Variants in CTNNA2 observed in about 807,000 individuals in gnomAD.
The protein encoded by CTNNA2 is catenin alpha-2.
Under a neutral mutation model 101.0 loss-of-function variants are expected in CTNNA2, and 42 were observed. The ratio of observed to expected loss-of-function variants is 0.42; its 90% CI spans 0.32 to 0.54. The LOEUF is 0.54. Among genes scored for constraint, CTNNA2 ranks in the 20% least tolerant of loss-of-function variants. The pLI is 0.14. For synonymous variants in CTNNA2, 450 were observed against 456.4 expected (o/e 0.99, Z 0.18); for missense variants, 871 against 1,223.1 (o/e 0.71, Z 4.29).
intron 9 of CTNNA2, among the ~76,000 whole-genome samples, chr2:80,504,110 A>G (rs990454657): frequency 2.0e-5 from 3 of 152,218 alleles, no homozygotes; most frequent in African/African-American, 7.2e-5. Context: ...CCAGGGCCTC[A>G]CCAGGGTTAA....
At chr2:79,510,627 C>T (rs1671514876), upstream of CTNNA2, among the ~76,000 whole-genome samples, 1 of 152,138 alleles carries the variant, frequency 6.6e-6, no homozygotes, top group Non-Finnish European at 1.5e-5. Flanking sequence ...AAACCCATTG[C>T]CTGAGTAATT....
chr2:80,297,660 C>T (rs1475475547), intron 7 of CTNNA2, among the ~76,000 whole-genome samples: 1 of 152,048 alleles, frequency 6.6e-6, no homozygotes, highest in Non-Finnish European at 1.5e-5. Context: ...GTAGAGCATA[C>T]TTTAATGGAA....
intron 9 of CTNNA2, among the ~76,000 whole-genome samples, chr2:80,490,495 C>G (rs1359517618): frequency 6.6e-6 from 1 of 152,048 alleles, no homozygotes; most frequent in African/African-American, 2.4e-5. Context: ...CAAAATACTA[C>G]TCTTTAGATT....
chr2:79,626,770 G>A (rs1238978138), intron 1 of CTNNA2, among the ~76,000 whole-genome samples: 1 of 151,848 alleles, frequency 6.6e-6, no homozygotes. Flanking sequence ...GTTTTAGGTA[G>A]CGAGACAACA....
intron 7 of CTNNA2, among the ~76,000 whole-genome samples, chr2:79,977,648 A>G (rs1489962727): frequency 6.6e-6 from 1 of 152,152 alleles, no homozygotes; most frequent in Non-Finnish European, 1.5e-5. Flanking sequence ...CAAACATACT[A>G]ACACTAATTG....
At chr2:80,365,826 AT>A (rs1449429902) in intron 7 of CTNNA2, among the ~76,000 whole-genome samples, 1 of 152,168 alleles carries the variant, frequency 6.6e-6, no homozygotes, top group Non-Finnish European at 1.5e-5. Context: ...TTATAAAACA[AT>A]TTCCCCCTAC....
At chr2:79,739,300 G>A (rs1671117664) in intron 2 of CTNNA2, among the ~76,000 whole-genome samples, 1 of 152,126 alleles carries the variant, frequency 6.6e-6, no homozygotes, top group Non-Finnish European at 1.5e-5. Flanking sequence ...CATATTCTCA[G>A]TGTTTGCTTA....
intron 1 of CTNNA2, among the ~76,000 whole-genome samples, chr2:79,601,099 A>T (rs1212471329): frequency 6.6e-6 from 1 of 152,178 alleles, no homozygotes; most frequent in African/African-American, 2.4e-5. Flanking sequence ...GGATAAAGAG[A>T]AAGAATAGTT....
chr2:80,045,846 T>C (rs1182777782), intron 7 of CTNNA2, among the ~76,000 whole-genome samples: 1 of 152,030 alleles, frequency 6.6e-6, no homozygotes, highest in African/African-American at 2.4e-5. Context: ...TGGGAAACAA[T>C]AGAATAGAAA....
intron 6 of CTNNA2, among the ~76,000 whole-genome samples, chr2:79,896,294 AAAG>A (rs893390283): frequency 2.8e-4 from 43 of 152,030 alleles, no homozygotes; most frequent in African/African-American, 9.6e-4. Flanking sequence ...CAAAAAAAAA[AAAG>A]GAGAACTAAC....
intron 7 of CTNNA2, among the ~76,000 whole-genome samples, chr2:80,387,547 G>T (rs1677131168): frequency 6.6e-6 from 1 of 152,080 alleles, no homozygotes; most frequent in Non-Finnish European, 1.5e-5. Flanking sequence ...TTATTAAAAA[G>T]AAATTGTTGA....
chr2:79,977,403 G>A (rs1275261775), intron 7 of CTNNA2, among the ~76,000 whole-genome samples: 1 of 151,996 alleles, frequency 6.6e-6, no homozygotes, highest in African/African-American at 2.4e-5. Flanking sequence ...TATGTGTAGA[G>A]GCCAAGGAAG....
intron 9 of CTNNA2, among the ~76,000 whole-genome samples, chr2:80,424,421 CT>C (rs1420176356): frequency 2.6e-5 from 4 of 152,160 alleles, no homozygotes; most frequent in African/African-American, 7.2e-5. Flanking sequence ...TATTGCTTGT[CT>C]GTTTTTATTA....
intron 7 of CTNNA2, among the ~76,000 whole-genome samples, chr2:80,007,004 A>T (rs1044061064): frequency 6.6e-6 from 1 of 152,162 alleles, no homozygotes; most frequent in East Asian, 1.9e-4. Context: ...TAATGTTTCA[A>T]TGTTACCCTT....
At chr2:79,720,029 T>C (rs572719695) in intron 2 of CTNNA2, among the ~76,000 whole-genome samples, 1 of 152,330 alleles carries the variant, frequency 6.6e-6, no homozygotes, top group African/African-American at 2.4e-5. Flanking sequence ...GTTTGTGATC[T>C]TACATTTCAA....
At chr2:80,360,138 G>C (rs977324736) in intron 7 of CTNNA2, among the ~76,000 whole-genome samples, 1 of 151,930 alleles carries the variant, frequency 6.6e-6, no homozygotes, top group Non-Finnish European at 1.5e-5. Flanking sequence ...TTATTGTTTT[G>C]AAGGGATTGG....
rs766763205 is a variant in CTNNA2, at chr2:80,092,210, A to T, written c.1056+182413A>T. 1.1e-3 allele frequency among the ~76,000 whole-genome samples: 161 copies of T among 152,220 alleles called. 2 individuals carry two copies. The highest frequency in any genetic ancestry group is 1.9e-3 in the Non-Finnish European group (132 of 67,984). ...GACAATTAGACAGTGGCCTCCTAGAACAAGGCAGTTCAGCCGTTGTAACTC... is the reference window on the plus strand; with the variant it reads ...GACAATTAGACAGTGGCCTCCTAGATCAAGGCAGTTCAGCCGTTGTAACTC... On this transcript the variant is annotated intron_variant, in intron 7 of 18. Coordinates refer to ENST00000402739, the MANE Select transcript of CTNNA2 (RefSeq NM_001282597.3).
intron 7 of CTNNA2, among the ~76,000 whole-genome samples, chr2:80,055,914 A>G (rs1262832885): frequency 2.0e-5 from 3 of 152,216 alleles, no homozygotes; most frequent in Non-Finnish European, 4.4e-5. Context: ...GACTTCAGCC[A>G]TCTAAGCCAG....
chr2:79,793,337 C>A (rs1675429837), intron 3 of CTNNA2, among the ~76,000 whole-genome samples: 1 of 152,146 alleles, frequency 6.6e-6, no homozygotes, highest in Non-Finnish European at 1.5e-5. Flanking sequence ...TACGCTGAGT[C>A]CCATGGGGGT....
Sources: gnomAD v4.1 joint callset for allele counts (sites outside exome capture counted in the v4.1 genomes callset) on GRCh38, gnomAD v4.1.1 for gene constraint, MANE v1.5 for transcripts, NCBI Gene and HGNC (gene_info 2026-07-23, HGNC 2026-07-21) for gene names.